ALG6: variants seen among roughly 807,000 people sequenced by gnomAD.
ALG6 encodes dolichyl pyrophosphate Man9GlcNAc2 alpha-1,3-glucosyltransferase.
ALG6 carries 46 observed loss-of-function variants against 66.6 expected under a neutral mutation model. The observed-to-expected ratio is 0.69, with a 90% CI of 0.55 to 0.88. ALG6 has a LOEUF of 0.88. ALG6 is among the 40% of genes least tolerant of loss of function. The pLI is 0.00. For synonymous variants in ALG6, 185 were observed against 203.7 expected, an observed-to-expected ratio of 0.91 and a Z score of 0.78; for missense variants, 505 against 586.8, an observed-to-expected ratio of 0.86 and a Z score of 1.44.
At position 63,428,933 on chromosome 1, in the gene ALG6, T is replaced by C; in HGVS notation, c.1133T>C (p.Leu378Pro). 1.2e-6 allele frequency: 2 copies of C among 1,613,146 alleles called. No individual in the cohort carries two copies. Among genetic ancestry groups the C allele is most frequent in the Non-Finnish European group, 1.7e-6 (2 of 1,179,480 alleles). ...WFLLVSTFSMLPLLLKDELLM... is the reference protein window; with the variant it reads ...WFLLVSTFSMPPLLLKDELLM... ...TTAAAAATTTTCCTTTACAGTATGC[T>C]ACCTCTTCTATTGAAGGATGAACTC... Residue 378 changes from leucine (L) to proline (P), a missense_variant, in exon 14 of 15, where the codon CTA becomes CCA. Leu to Pro is a moderately conservative substitution (Grantham distance 98). Coordinates refer to ENST00000263440, the MANE Select transcript of ALG6 (RefSeq NM_013339.4).
At position 63,368,599 on chromosome 1, in the gene ALG6, C is replaced by T. The variant is rs150772924; in HGVS notation, c.-208+912C>T. The stretch of plus-strand genomic sequence containing the variant: ...CACTGCAACCTCTGCCTCCCGGGTT[C>T]GAGCGATTTTCCTGCCTCAGCCTCA... On this transcript the variant is annotated intron_variant, in intron 1 of 14. Transcript: ENST00000263440. 9.1e-3 allele frequency among the ~76,000 whole-genome samples: 1,380 copies of T among 152,006 alleles called. 24 individuals are homozygous for T. Among genetic ancestry groups the T allele is most frequent in the African/African-American group, 0.032 (1,315 of 41,434 alleles).
chr1:63,380,614 G>C (rs1648271817), intron 2 of ALG6, among the ~76,000 whole-genome samples: 1 of 152,026 alleles, frequency 6.6e-6, no homozygotes, highest in Admixed American at 6.5e-5. Flanking sequence ...AAGTTGAAAA[G>C]AACTAAAATC....
At chr1:63,406,536 CT>C (rs1644490594) in intron 6 of ALG6, 137 bp downstream of exon 6, 3 of 762,460 alleles carry the variant, frequency 3.9e-6, no homozygotes. Context: ...TCAATTTTCA[CT>C]TCAAAAGCAT....
intron 2 of ALG6, among the ~76,000 whole-genome samples, chr1:63,376,139 A>C (rs967428384): frequency 1.5e-4 from 23 of 152,206 alleles, no homozygotes; most frequent in Non-Finnish European, 4.4e-5. Flanking sequence ...CTCAGATTGT[A>C]CAGCCTACTA....
At position 63,436,903 on chromosome 1, in the gene ALG6, G is replaced by C. The variant is rs1462723684; in HGVS notation, c.1407G>C (p.Leu469Phe). The change falls in exon 15 of 15, where the codon TTG becomes TTC. Residue 469 changes from leucine to phenylalanine, a missense_variant. Transcript: ENST00000263440. The part of the protein sequence containing the change: ...TLDPPQKLPD[L>F]FSVLVCFVSC... ...ATCCTCCTCAGAAACTACCGGACTT[G>C]TTTTCTGTATTGGTGTGTTTTGTAT... 3 of 1,613,780 alleles carry C rather than the reference G, an allele frequency of 1.9e-6. No individual in the cohort carries two copies. The highest frequency in any genetic ancestry group is 2.5e-6 in the Non-Finnish European group (3 of 1,179,784).
intron 2 of ALG6, among the ~76,000 whole-genome samples, chr1:63,395,221 G>A (rs778853594): frequency 8.5e-4 from 129 of 152,242 alleles, no homozygotes; most frequent in Non-Finnish European, 1.3e-3. Flanking sequence ...ACTATCAAGT[G>A]TTAGTTATTA....
intron 2 of ALG6, among the ~76,000 whole-genome samples, chr1:63,377,411 T>C (rs527545764): frequency 3.9e-4 from 60 of 152,344 alleles, no homozygotes; most frequent in African/African-American, 1.4e-3. Context: ...TATTCTTTAC[T>C]GTATGTTTAG....
intron 3 of ALG6, 77 bp from the exon 4 acceptor site, chr1:63,402,177 G>C: frequency 1.1e-6 from 1 of 873,262 alleles, no homozygotes; most frequent in South Asian, 1.3e-5. Context: ...GATAAGTGAG[G>C]TGCAATGTTA....
intron 14 of ALG6, among the ~76,000 whole-genome samples, chr1:63,430,406 A>G (rs936385798): frequency 6.6e-5 from 10 of 152,148 alleles, no homozygotes; most frequent in African/African-American, 2.2e-4. Flanking sequence ...CATTTCCCTT[A>G]TGTGTATACC....
intron 9 of ALG6, 144 bp downstream of exon 9, chr1:63,412,205 A>AATTG (rs1644520490): frequency 7.5e-7 from 1 of 1,325,544 alleles, no homozygotes; most frequent in African/African-American, 1.5e-5. Context: ...TTGATTGATT[A>AATTG]ATTGATTGGT....
chr1:63,383,091 G>A (rs940608502), intron 2 of ALG6, among the ~76,000 whole-genome samples: 7 of 152,030 alleles, frequency 4.6e-5, no homozygotes, highest in African/African-American at 1.4e-4. Flanking sequence ...GGGATTACAG[G>A]CGTGAGCCAC....
rs780696397 is a variant in ALG6 at position 63,396,612 on chromosome 1, A to G, written c.167+15A>G. On this transcript the variant is annotated intron_variant, in intron 3 of 14. Transcript: ENST00000263440. ...GTCAAACAATGGTATGATAATTTTAACTTGTTTTTCTTGTTTATCATAGTT... is the reference window on the plus strand; with the variant it reads ...GTCAAACAATGGTATGATAATTTTAGCTTGTTTTTCTTGTTTATCATAGTT... 3 of 1,602,044 alleles carry G rather than the reference A, an allele frequency of 1.9e-6. No individual in the cohort carries two copies. The highest frequency in any genetic ancestry group is 2.6e-6 in the Non-Finnish European group (3 of 1,169,160).
intron 11 of ALG6, among the ~76,000 whole-genome samples, chr1:63,416,880 C>T (rs764924620): frequency 6.6e-6 from 1 of 152,066 alleles, no homozygotes; most frequent in African/African-American, 2.4e-5. Context: ...TTTCTGAAAA[C>T]AGTAAGTCCT....
chr1:63,435,142 G>C (rs919360059), intron 14 of ALG6, among the ~76,000 whole-genome samples: 2 of 152,192 alleles, frequency 1.3e-5, no homozygotes, highest in Non-Finnish European at 2.9e-5. Flanking sequence ...ATGGGATGAA[G>C]ACTGGACACA....
chr1:63,411,324 G>A lies in ALG6; in HGVS notation c.673G>A (p.Gly225Arg), dbSNP rs1474203745. Residue 225 changes from glycine to arginine, a missense_variant, in exon 8 of 15, where the codon GGA (glycine) becomes AGA (arginine). By Grantham distance (125) the Gly-to-Arg change is moderately radical. Coordinates refer to ENST00000263440, the MANE Select transcript of ALG6 (RefSeq NM_013339.4). ...LGKCFKKGLK[G>R]KGFVLLVKLA... ...CAAGTGTTTTAAAAAAGGCCTCAAA[G>A]GAAAGGGGTGAGTGACTTTTAAACA... 3.7e-6 allele frequency: 6 copies of A among 1,613,514 alleles called. No individual in the cohort carries two copies. The highest frequency in any genetic ancestry group is 5.1e-6 in the Non-Finnish European group (6 of 1,179,762).
intron 12 of ALG6, 134 bp downstream of exon 12, chr1:63,419,574 G>T: frequency 9.9e-6 from 7 of 703,902 alleles, no homozygotes; most frequent in East Asian, 3.2e-5. Context: ...TTCATAGTCA[G>T]GTTTTTTTCC....
At chr1:63,421,645 T>C (rs1644573910) in intron 12 of ALG6, among the ~76,000 whole-genome samples, 1 of 152,066 alleles carries the variant, frequency 6.6e-6, no homozygotes, top group Non-Finnish European at 1.5e-5. Context: ...AATGATAGAT[T>C]GGATTAAGAA....
chr1:63,429,210 C>A, intron 14 of ALG6, 84 bp downstream of exon 14: 1 of 1,004,662 alleles, frequency 1.0e-6, no homozygotes, highest in Non-Finnish European at 1.5e-6. Flanking sequence ...TTCTTTTATA[C>A]CTTTTTGAGA....
At chr1:63,384,403 C>G (rs1648436316) in intron 2 of ALG6, among the ~76,000 whole-genome samples, 1 of 152,096 alleles carries the variant, frequency 6.6e-6, no homozygotes, top group Non-Finnish European at 1.5e-5. Context: ...AATCCCTTGT[C>G]AGATGGGTAG....
Sources: allele counts gnomAD v4.1 joint callset (sites outside exome capture counted in the v4.1 genomes callset), GRCh38; gene constraint gnomAD v4.1.1; transcripts MANE v1.5; gene names NCBI Gene and HGNC (gene_info 2026-07-23, HGNC 2026-07-21).